RBFOX1: variants seen among roughly 807,000 people sequenced by gnomAD.
RBFOX1 encodes the protein RNA binding fox-1 homolog 1, also known as RNA binding protein fox-1 homolog 1.
Under a neutral mutation model 57.7 loss-of-function variants are expected in RBFOX1, and 8 were observed. That is an observed-to-expected ratio of 0.14 (90% confidence interval 0.08 to 0.25). RBFOX1 has a LOEUF of 0.25. Ranked by LOEUF, RBFOX1 falls within the 10% of genes least tolerant of loss-of-function variation. The pLI, the probability that RBFOX1 is intolerant of heterozygous loss-of-function variation, is 1.00. For synonymous variants in RBFOX1, 326 were observed against 222.4 expected (o/e 1.47, Z -4.15); for missense variants, 611 against 548.5 (o/e 1.11, Z -1.14).
intron 4 of RBFOX1, among the ~76,000 whole-genome samples, chr16:7,173,323 G>A (rs1411844215): frequency 6.6e-6 from 1 of 152,148 alleles, no homozygotes; most frequent in Non-Finnish European, 1.5e-5. Flanking sequence ...AATAGCTGGA[G>A]CTCAGTGCCA....
chr16:6,192,232 G>C (rs1427896057), intron 1 of RBFOX1, among the ~76,000 whole-genome samples: 1 of 152,116 alleles, frequency 6.6e-6, no homozygotes, highest in Non-Finnish European at 1.5e-5. Context: ...CAGTCCTTGG[G>C]TGTTGGGAGG....
At chr16:5,964,965 G>A (rs377562266) in intron 4 of RBFOX1, among the ~76,000 whole-genome samples, 2 of 152,212 alleles carry the variant, frequency 1.3e-5, no homozygotes, top group East Asian at 3.9e-4. Context: ...TCTTAAAAAG[G>A]AGTTTTTCTA....
intron 2 of RBFOX1, among the ~76,000 whole-genome samples, chr16:6,622,356 A>G (rs1043608975): frequency 6.6e-6 from 1 of 152,114 alleles, no homozygotes; most frequent in Non-Finnish European, 1.5e-5. Context: ...TACCTTTTCT[A>G]TGTATAGATA....
intron 4 of RBFOX1, among the ~76,000 whole-genome samples, chr16:7,335,309 A>G (rs776103223): frequency 4.6e-5 from 7 of 152,176 alleles, no homozygotes; most frequent in African/African-American, 1.7e-4. Context: ...TTAAGGTTCT[A>G]TCACCACCTA....
intron 2 of RBFOX1, among the ~76,000 whole-genome samples, chr16:6,595,929 TA>T (rs747382808): frequency 5.3e-5 from 8 of 152,182 alleles, no homozygotes; most frequent in Non-Finnish European, 7.3e-5. Flanking sequence ...TATTAAGTTT[TA>T]TTGTTGGAAA....
At chr16:6,587,882 A>G (rs1461594735) in intron 2 of RBFOX1, among the ~76,000 whole-genome samples, 1 of 152,182 alleles carries the variant, frequency 6.6e-6, no homozygotes, top group African/African-American at 2.4e-5. Flanking sequence ...TTTGAAAATT[A>G]CAGGCACCAT....
At chr16:5,508,705 G>A (rs1055421776) in intron 2 of RBFOX1, among the ~76,000 whole-genome samples, 3 of 152,160 alleles carry the variant, frequency 2.0e-5, no homozygotes, top group African/African-American at 7.2e-5. Context: ...TGCACAGAGT[G>A]CCATACCCAA....
chr16:5,657,799 C>A (rs1294434313), intron 3 of RBFOX1, among the ~76,000 whole-genome samples: 1 of 132,950 alleles, frequency 7.5e-6, no homozygotes, highest in East Asian at 2.3e-4. Flanking sequence ...GTAGCACGAT[C>A]TTGGCTCACT....
chr16:6,585,792 TC>T (rs1386026279), intron 2 of RBFOX1, among the ~76,000 whole-genome samples: 1 of 152,182 alleles, frequency 6.6e-6, no homozygotes, highest in Non-Finnish European at 1.5e-5. Flanking sequence ...TTTTCTTCTT[TC>T]TTTCTCTCCT....
chr16:5,417,725 T>G (rs2067197942), intron 1 of RBFOX1, among the ~76,000 whole-genome samples: 1 of 152,170 alleles, frequency 6.6e-6, no homozygotes, highest in South Asian at 2.1e-4. Context: ...AAATGTATGT[T>G]GAATGAATAG....
intron 4 of RBFOX1, among the ~76,000 whole-genome samples, chr16:7,084,980 A>G (rs1311535467): frequency 1.3e-5 from 2 of 148,830 alleles, no homozygotes; most frequent in Admixed American, 6.7e-5. Flanking sequence ...CTGTCTGTCC[A>G]TCCGTCCATC....
At position 6,161,889 on chromosome 16, in the gene RBFOX1, G is replaced by C. The variant is rs1458200678; in HGVS notation, c.-127+141897G>C. ...ACTTTGAGTAGGTTGAACCAAAGGA[G>C]GTGTCAGAGTACATGCTTTCCAGCC... On this transcript the variant is annotated intron_variant, in intron 1 of 15. Transcript: ENST00000550418. 2.6e-5 allele frequency among the ~76,000 whole-genome samples: 4 copies of C among 152,202 alleles called. No homozygotes were observed. In the East Asian group the frequency reaches 7.7e-4, roughly 29 times the overall value.
chr16:7,305,120 T>G (rs1000060162), intron 4 of RBFOX1, among the ~76,000 whole-genome samples: 1 of 151,662 alleles, frequency 6.6e-6, no homozygotes, highest in Non-Finnish European at 1.5e-5. Context: ...TTAGGGTGTT[T>G]GTGTGTGTGT....
In RBFOX1 at chr16:7,712,816, C is replaced by T. The variant is rs959997122; in HGVS notation, c.*2071C>T. On this transcript the variant is annotated 3_prime_UTR_variant, in exon 16 of 16. Coordinates refer to ENST00000550418, the MANE Select transcript of RBFOX1 (RefSeq NM_018723.4). ...AGGGGGCTATGGAGAATAAATTTCT[C>T]CCAATTGCCGCCTCAGATTTCAAAA... The T allele has an allele frequency of 2.6e-5, 4 of 152,142 alleles. No individual in the cohort carries two copies. Among genetic ancestry groups the T allele is most frequent in the Admixed American group, 2.6e-4 (4 of 15,272 alleles). The allele number at this position is 152,142 out of a possible 1,614,324, so 9.4% of individuals were successfully genotyped here. A position where few individuals can be genotyped will look rare whatever the true frequency, so the allele number is the denominator to read the frequency against.
chr16:7,032,343 G>A (rs142113228), intron 3 of RBFOX1, among the ~76,000 whole-genome samples: 8,284 of 152,092 alleles, frequency 0.054, 404 homozygotes, highest in East Asian at 0.2. Flanking sequence ...TACTTGGGAG[G>A]CTGAGGCACA....
chr16:6,136,662 C>A lies in RBFOX1; in HGVS notation c.-127+116670C>A, dbSNP rs77239407. Among the ~76,000 whole-genome samples, 556 of 152,160 alleles carry A rather than the reference C, an allele frequency of 3.7e-3. 3 individuals are homozygous for A. Among genetic ancestry groups the A allele is most frequent in the East Asian group, 0.018 (92 of 5,178 alleles). On this transcript the variant is annotated intron_variant, in intron 1 of 15. Coordinates refer to ENST00000550418, the MANE Select transcript of RBFOX1 (RefSeq NM_018723.4). ...TTATGGGGCCCACAAAGACAAAATG[C>A]ACAAAAGGAAATGATGATGTGTTTT...
chr16:6,542,455 G>C (rs922774021), intron 2 of RBFOX1, among the ~76,000 whole-genome samples: 7 of 140,378 alleles, frequency 5.0e-5, no homozygotes, highest in African/African-American at 1.8e-4. Context: ...ATAATCGCAT[G>C]ATCCACTGCC....
intron 1 of RBFOX1, among the ~76,000 whole-genome samples, chr16:5,392,789 G>C (rs1224207774): frequency 6.6e-6 from 1 of 152,082 alleles, no homozygotes; most frequent in Non-Finnish European, 1.5e-5. Context: ...TGGGTCTGTT[G>C]TACACTCGCC....
intron 3 of RBFOX1, among the ~76,000 whole-genome samples, chr16:6,762,681 G>A (rs2076782765): frequency 6.6e-6 from 1 of 152,158 alleles, no homozygotes; most frequent in South Asian, 2.1e-4. Flanking sequence ...TTGGTTATTT[G>A]TTTTGGGCCC....
Sources: gnomAD v4.1 joint callset for allele counts (sites outside exome capture counted in the v4.1 genomes callset) on GRCh38, gnomAD v4.1.1 for gene constraint, MANE v1.5 for transcripts, NCBI Gene and HGNC (gene_info 2026-07-23, HGNC 2026-07-21) for gene names.